WASF2: variants seen among roughly 807,000 people sequenced by gnomAD.
The protein encoded by WASF2 is actin-binding protein WASF2.
A neutral mutation model predicts 45.0 loss-of-function variants in WASF2; 14 were observed. That is an observed-to-expected ratio of 0.31 (90% CI 0.21 to 0.49). WASF2 has a LOEUF of 0.49. Ranked by LOEUF, WASF2 falls within the 20% of genes least tolerant of loss-of-function variation. The probability of loss-of-function intolerance (pLI) is 0.99; values close to 1 mark genes in which losing one functional copy is unlikely to be tolerated. For missense variants in WASF2, 439 were observed against 636.1 expected, an observed-to-expected ratio of 0.69 and a Z score of 3.33; for synonymous variants, 200 against 236.3, an observed-to-expected ratio of 0.85 and a Z score of 1.41.
At chr1:27,418,246 G>A (rs565176553) in intron 4 of WASF2, 23 bp downstream of exon 4, 3 of 1,603,510 alleles carry the variant, frequency 1.9e-6, no homozygotes, top group Admixed American at 1.7e-5. Context: ...GGTTGAAAAA[G>A]GGAGGAACTA....
intron 1 of WASF2, among the ~76,000 whole-genome samples, chr1:27,429,256 G>C (rs1363236433): frequency 6.6e-6 from 1 of 152,104 alleles, no homozygotes; most frequent in Non-Finnish European, 1.5e-5. Flanking sequence ...GAGGCAAGGA[G>C]GCATGGTTAG....
intron 1 of WASF2, among the ~76,000 whole-genome samples, chr1:27,484,600 A>C (rs1571170158): frequency 6.6e-6 from 1 of 151,208 alleles, no homozygotes; most frequent in Admixed American, 6.6e-5. Flanking sequence ...GAGGTCAGGA[A>C]ATCAAGACCA....
intron 1 of WASF2, among the ~76,000 whole-genome samples, chr1:27,463,428 A>C (rs1157246144): frequency 6.6e-6 from 1 of 151,770 alleles, no homozygotes; most frequent in Non-Finnish European, 1.5e-5. Context: ...AATCGAGACC[A>C]TCCTGGCTAA....
chr1:27,440,698 C>T (rs1442771768), intron 1 of WASF2, among the ~76,000 whole-genome samples: 1 of 152,034 alleles, frequency 6.6e-6, no homozygotes, highest in Non-Finnish European at 1.5e-5. Flanking sequence ...CTCAAGCAAT[C>T]CTCCAGCCTC....
chr1:27,456,395 A>G (rs78639120), intron 1 of WASF2, among the ~76,000 whole-genome samples: 7,423 of 151,846 alleles, frequency 0.049, 282 homozygotes, highest in Non-Finnish European at 0.068. Context: ...AAAATCAGAG[A>G]AAAAGCAAGG....
intron 1 of WASF2, among the ~76,000 whole-genome samples, chr1:27,429,776 C>CAA (rs761977530): frequency 1.6e-4 from 14 of 87,694 alleles, no homozygotes; most frequent in South Asian, 1.2e-3. Context: ...GACTCCGTCT[C>CAA]AAAAAAAAAA....
At chr1:27,415,698 G>A (rs920992330) in intron 5 of WASF2, among the ~76,000 whole-genome samples, 9 of 152,052 alleles carry the variant, frequency 5.9e-5, no homozygotes, top group Non-Finnish European at 1.2e-4. Flanking sequence ...GCAGAGTCAG[G>A]TGCAAATTGC....
At chr1:27,442,395 T>C (rs1275047801) in intron 1 of WASF2, among the ~76,000 whole-genome samples, 1 of 151,156 alleles carries the variant, frequency 6.6e-6, no homozygotes, top group South Asian at 2.1e-4. Context: ...AATACAAAAC[T>C]TAGCCAGGCG....
At chr1:27,438,446 T>C (rs948556110) in intron 1 of WASF2, among the ~76,000 whole-genome samples, 2 of 152,216 alleles carry the variant, frequency 1.3e-5, no homozygotes, top group African/African-American at 4.8e-5. Flanking sequence ...TGTGTAACCA[T>C]TTGTTTTAAT....
chr1:27,425,150 A>G (rs556724912), intron 2 of WASF2, among the ~76,000 whole-genome samples: 3 of 152,228 alleles, frequency 2.0e-5, no homozygotes, highest in Admixed American at 6.5e-5. Context: ...CTGGAGTGGC[A>G]TGATCATGGC....
intron 1 of WASF2, among the ~76,000 whole-genome samples, chr1:27,488,368 A>T (rs1411723685): frequency 1.3e-5 from 2 of 152,208 alleles, no homozygotes; most frequent in Non-Finnish European, 2.9e-5. Flanking sequence ...ATTAAGCTTA[A>T]TCAGAGGTGG....
intron 1 of WASF2, among the ~76,000 whole-genome samples, chr1:27,437,694 C>T (rs531477926): frequency 4.1e-4 from 63 of 152,208 alleles, no homozygotes; most frequent in African/African-American, 1.5e-3. Context: ...CTTCAAACTA[C>T]CCATCTAAAT....
At position 27,419,090 on chromosome 1, in the gene WASF2, TG is replaced by T. The variant is rs749360121; in HGVS notation, c.131-3del. On this transcript the variant is annotated splice_region_variant and splice_polypyrimidine_tract_variant and intron_variant, in intron 2 of 8. Coordinates refer to ENST00000618852, the MANE Select transcript of WASF2 (RefSeq NM_006990.5). ...CAAAAATGTCCTCTGCATATTTACC[TG>T]GAAAGAGCAAAGAAACCAAGTCACT... The T allele has an allele frequency of 1.9e-6, 3 of 1,613,106 alleles. No homozygotes were observed. Among genetic ancestry groups the T allele is most frequent in the Non-Finnish European group, 2.5e-6 (3 of 1,179,358 alleles).
rs1205877021 is a variant in WASF2, at chr1:27,436,847, TA to T, written c.-43-7915del. Among the ~76,000 whole-genome samples the T allele has an allele frequency of 1.3e-5, 2 of 152,164 alleles. 1 individual carries two copies. Among genetic ancestry groups the T allele is most frequent in the Admixed American group, 1.3e-4 (2 of 15,274 alleles). Reference sequence around the variant, plus strand: ...GAACTCCTGCGGTAGATACAGAAAGTATTTGACTGGGAAAACTGAGAAAAAG... The same window carrying T: ...GAACTCCTGCGGTAGATACAGAAAGTTTTGACTGGGAAAACTGAGAAAAAG... On this transcript the variant is annotated intron_variant, in intron 1 of 8. Coordinates refer to ENST00000618852, the MANE Select transcript of WASF2 (RefSeq NM_006990.5).
rs77688289 is a variant in WASF2 at position 27,432,450 on chromosome 1, C to A, written c.-43-3517G>T. Among the ~76,000 whole-genome samples, 5,234 of 151,640 alleles carry A rather than the reference C, an allele frequency of 0.035. 491 individuals are homozygous for A. The East Asian group carries it at 0.35, about 10-fold the overall frequency. ...GATCACGAGGTCAGGAGATCGAGAC[C>A]ATCCTGGCTAACATGGTGAAACGCC... On this transcript the variant is annotated intron_variant, in intron 1 of 8. Coordinates refer to ENST00000618852, the MANE Select transcript of WASF2 (RefSeq NM_006990.5).
rs766756257 is a variant in WASF2 at position 27,414,952 on chromosome 1, T to C, written c.549A>G (p.Lys183=). The part of the protein sequence containing the change: ...KEKRKHRKEK[K]DNPNRGNVNP... ...TTACATTCCCTCGATTTGGATTATC[T>C]TTCTTTTCTTTCTATAATGAAAAGG... is the stretch of plus-strand genomic sequence containing the variant. Residue 183 remains lysine, a synonymous_variant, in exon 6 of 9, where the codon AAA becomes AAG. Coordinates refer to ENST00000618852, the MANE Select transcript of WASF2 (RefSeq NM_006990.5). The surrounding 1 kb of genome is among the most constrained non-coding windows in gnomAD (Gnocchi z 4.1). 4.3e-6 allele frequency: 7 copies of C among 1,614,120 alleles called. No homozygotes were observed. Among genetic ancestry groups the C allele is most frequent in the Admixed American group, 1.7e-5 (1 of 60,002 alleles).
chr1:27,446,626 C>T (rs2017312999), intron 1 of WASF2, among the ~76,000 whole-genome samples: 1 of 151,908 alleles, frequency 6.6e-6, no homozygotes, highest in African/African-American at 2.4e-5. Context: ...ACAAAAAACA[C>T]AAAAATTAGC....
rs549369527 is a variant in WASF2, at chr1:27,461,506, G to A, written c.-44+28480C>T. 2.7e-5 allele frequency among the ~76,000 whole-genome samples: 4 copies of A among 149,952 alleles called. No individual in the cohort carries two copies. In the East Asian group the frequency reaches 7.9e-4, roughly 30 times the overall value. On this transcript the variant is annotated intron_variant, in intron 1 of 8. Coordinates refer to ENST00000618852, the MANE Select transcript of WASF2 (RefSeq NM_006990.5). ...GACGGAGTCTCGCTCTGTCTCCCCG[G>A]CTGGAGTGCAGTGACGACGGATCTT... is the stretch of plus-strand genomic sequence containing the variant.
Position 27,469,241 on chromosome 1 carries a change from T to C in WASF2, c.-44+20745A>G, listed in dbSNP as rs149709250. Among the ~76,000 whole-genome samples, 538 of 152,338 alleles carry C rather than the reference T, an allele frequency of 3.5e-3. 1 individual carries two copies. Among genetic ancestry groups the C allele is most frequent in the Non-Finnish European group, 5.8e-3 (397 of 68,028 alleles). Reference sequence around the variant, plus strand: ...AATAGGGGTATGGATGAAACAAGACTGACCATGAGCTAATAATTGTTGAAG... The same window carrying C: ...AATAGGGGTATGGATGAAACAAGACCGACCATGAGCTAATAATTGTTGAAG... On this transcript the variant is annotated intron_variant, in intron 1 of 8. Coordinates refer to ENST00000618852, the MANE Select transcript of WASF2 (RefSeq NM_006990.5).
Sources: allele counts gnomAD v4.1 joint callset (sites outside exome capture counted in the v4.1 genomes callset), GRCh38; gene constraint gnomAD v4.1.1; non-coding constraint Gnocchi (gnomAD v3.1); transcripts MANE v1.5; gene names NCBI Gene and HGNC (gene_info 2026-07-23, HGNC 2026-07-21).